KLF8: variants seen among roughly 807,000 people sequenced by gnomAD.
KLF8 encodes the protein Krueppel-like factor 8.
A neutral mutation model predicts 18.2 loss-of-function variants in KLF8; 10 were observed. The ratio of observed to expected loss-of-function variants is 0.55; its 90% CI spans 0.34 to 0.93. The LOEUF is 0.93. Ranked by LOEUF, KLF8 falls within the 40% of genes least tolerant of loss-of-function variation. The pLI, the probability that KLF8 is intolerant of heterozygous loss-of-function variation, is 0.02. For missense variants in KLF8, 264 were observed against 277.9 expected (o/e 0.95, Z 0.36); for synonymous variants, 109 against 97.3 (o/e 1.12, Z -0.71).
chrX:55,941,762 A>T, the KLF8 span, among the ~76,000 whole-genome samples: 1 of 112,458 alleles, frequency 8.9e-6, no homozygotes, highest in Non-Finnish European at 1.9e-5. Context: ...AGACACATGA[A>T]AAAATGCTCA....
the KLF8 span, among the ~76,000 whole-genome samples, chrX:55,964,500 C>A: frequency 9.0e-6 from 1 of 111,499 alleles, no homozygotes; most frequent in African/African-American, 3.3e-5. Flanking sequence ...TTGGTGGAGC[C>A]TGGGAGGTGA....
the KLF8 span, among the ~76,000 whole-genome samples, chrX:56,021,077 C>A: frequency 1.8e-5 from 2 of 112,451 alleles, no homozygotes; most frequent in African/African-American, 6.5e-5. Flanking sequence ...AGCAAGTTTT[C>A]ATCAATTTAA....
chrX:56,133,462 C>T, the KLF8 span, among the ~76,000 whole-genome samples: 27 of 111,731 alleles, frequency 2.4e-4, no homozygotes, highest in Admixed American at 2.2e-3. Context: ...CAAATTCCAG[C>T]ATTCCTTTAA....
the KLF8 span, among the ~76,000 whole-genome samples, chrX:56,063,819 TG>T: frequency 9.0e-6 from 1 of 110,849 alleles, no homozygotes; most frequent in East Asian, 2.8e-4. Flanking sequence ...AGTCCCTGAC[TG>T]GGGCTGCTGT....
the KLF8 span, among the ~76,000 whole-genome samples, chrX:56,154,576 A>G: frequency 8.9e-6 from 1 of 112,324 alleles, no homozygotes; most frequent in Non-Finnish European, 1.9e-5. Flanking sequence ...GCCAAAAGCA[A>G]TGGCAACAAA....
the KLF8 span, chrX:56,014,755 A>G: frequency 9.0e-6 from 1 of 110,901 alleles, no homozygotes; most frequent in Non-Finnish European, 1.9e-5. Flanking sequence ...AGACTGGTTA[A>G]AGAAAATGTG....
chrX:56,253,764 C>CTTTTTTTTTTTTTTTT lies in KLF8; in HGVS notation c.81+3474_81+3475insTTTTTTTTTTTTTTTT, dbSNP rs60291877. ...GTACATAATGTCTTTTTTTCTTTTT[C>CTTTTTTTTTTTTTTTT]TTTTTTTTTTTTTTGAGATGTTGTC... On this transcript the variant is annotated intron_variant, in intron 2 of 5. Coordinates refer to ENST00000468660, the MANE Select transcript of KLF8 (RefSeq NM_007250.5). Among the ~76,000 whole-genome samples, 20 of 60,109 alleles carry CTTTTTTTTTTTTTTTT rather than the reference C, an allele frequency of 3.3e-4. 2 individuals are homozygous for CTTTTTTTTTTTTTTTT. Among genetic ancestry groups the CTTTTTTTTTTTTTTTT allele is most frequent in the East Asian group, 5.5e-4 (1 of 1,827 alleles). The allele number at this position is 60,109 out of a possible 115,157, so 52.2% of individuals were successfully genotyped here.
the KLF8 span, among the ~76,000 whole-genome samples, chrX:56,046,048 A>C: frequency 3.9e-5 from 4 of 103,576 alleles, no homozygotes; most frequent in Non-Finnish European, 2.0e-5. Context: ...GAAAGTTTTC[A>C]TCACAAAGTT....
the KLF8 span, among the ~76,000 whole-genome samples, chrX:56,182,414 C>T: frequency 9.2e-4 from 103 of 112,061 alleles, 4 homozygotes; most frequent in East Asian, 0.027. Flanking sequence ...GAACATCCTC[C>T]TTTAGCTCAG....
At chrX:56,068,791 C>G in the KLF8 span, among the ~76,000 whole-genome samples, 1 of 111,670 alleles carries the variant, frequency 9.0e-6, no homozygotes, top group African/African-American at 3.3e-5. Flanking sequence ...CTGGAGGACA[C>G]AGCTTCATGT....
the KLF8 span, among the ~76,000 whole-genome samples, chrX:56,116,825 C>G: frequency 3.7e-5 from 4 of 109,588 alleles, no homozygotes; most frequent in Non-Finnish European, 7.6e-5. Context: ...CCATGCTGTA[C>G]CTTAGCTCAC....
the KLF8 span, among the ~76,000 whole-genome samples, chrX:56,093,770 A>G: frequency 1.8e-5 from 2 of 111,168 alleles, no homozygotes; most frequent in African/African-American, 6.5e-5. Context: ...CAAATGCAGT[A>G]CAATAATGTT....
chrX:56,172,283 T>C, the KLF8 span, among the ~76,000 whole-genome samples: 2 of 110,631 alleles, frequency 1.8e-5, no homozygotes, highest in Non-Finnish European at 3.8e-5. Flanking sequence ...CAGGCCCCGG[T>C]ATGTGATGTT....
At chrX:55,995,453 T>C in the KLF8 span, among the ~76,000 whole-genome samples, 1 of 112,366 alleles carries the variant, frequency 8.9e-6, no homozygotes, top group Non-Finnish European at 1.9e-5. Flanking sequence ...GTAAACTTGA[T>C]TGTATAGATG....
the KLF8 span, among the ~76,000 whole-genome samples, chrX:56,055,678 T>G: frequency 8.9e-6 from 1 of 112,075 alleles, no homozygotes; most frequent in African/African-American, 3.2e-5. Flanking sequence ...GTTTACACTC[T>G]CTCCATCTTT....
chrX:56,198,821 G>A, the KLF8 span, among the ~76,000 whole-genome samples: 5 of 111,751 alleles, frequency 4.5e-5, no homozygotes, highest in Admixed American at 9.5e-5. Context: ...GAGGCATCAT[G>A]CTACCTGACT....
At chrX:56,055,683 A>G in the KLF8 span, among the ~76,000 whole-genome samples, 2 of 111,744 alleles carry the variant, frequency 1.8e-5, no homozygotes, top group South Asian at 3.8e-4. Context: ...CACTCTCTCC[A>G]TCTTTCTCAG....
the KLF8 span, among the ~76,000 whole-genome samples, chrX:56,181,915 T>C: frequency 9.0e-6 from 1 of 110,730 alleles, no homozygotes; most frequent in African/African-American, 3.3e-5. Context: ...ATTTTAACTT[T>C]GGAGAATCTG....
At chrX:56,054,280 G>C in the KLF8 span, among the ~76,000 whole-genome samples, 1 of 111,348 alleles carries the variant, frequency 9.0e-6, no homozygotes, top group Non-Finnish European at 1.9e-5. Context: ...ATTCTGGGAT[G>C]TTGTATCTTT....
Sources: allele counts gnomAD v4.1 joint callset (sites outside exome capture counted in the v4.1 genomes callset), GRCh38; gene constraint gnomAD v4.1.1; transcripts MANE v1.5; gene names NCBI Gene and HGNC (gene_info 2026-07-23, HGNC 2026-07-21).